FBXL20: variants seen among roughly 807,000 people sequenced by gnomAD.
FBXL20 encodes F-box and leucine rich repeat protein 20, also known as F-box/LRR-repeat protein 20.
A neutral mutation model predicts 64.0 loss-of-function variants in FBXL20; 11 were observed. The ratio of observed to expected loss-of-function variants is 0.17; its 90% CI spans 0.11 to 0.28. The LOEUF (loss-of-function observed/expected upper bound fraction) is 0.28. Ranked by LOEUF, FBXL20 falls within the 10% of genes least tolerant of loss-of-function variation. The pLI, the probability that FBXL20 is intolerant of heterozygous loss-of-function variation, is 1.00. For missense variants in FBXL20, 303 were observed against 526.2 expected, an observed-to-expected ratio of 0.58 and a Z score of 4.15; for synonymous variants, 184 against 189.0, an observed-to-expected ratio of 0.97 and a Z score of 0.22.
chr17:39,357,163 C>T (rs902819352), intron 1 of FBXL20, among the ~76,000 whole-genome samples: 19 of 150,272 alleles, frequency 1.3e-4, no homozygotes, highest in African/African-American at 4.2e-4. Flanking sequence ...ATCCCAGCTA[C>T]TTGGGAGGCT....
intron 2 of FBXL20, among the ~76,000 whole-genome samples, chr17:39,327,316 T>C (rs889513429): frequency 2.0e-5 from 3 of 152,122 alleles, no homozygotes; most frequent in Non-Finnish European, 2.9e-5. Flanking sequence ...AAAAGATAAA[T>C]AATAAGCTCC....
intron 1 of FBXL20, among the ~76,000 whole-genome samples, chr17:39,390,485 T>A (rs1271806610): frequency 6.6e-6 from 1 of 150,894 alleles, no homozygotes; most frequent in African/African-American, 2.4e-5. Flanking sequence ...CACTTTAACC[T>A]GGGAGGCAGA....
At chr17:39,337,504 C>T (rs12985507) in intron 2 of FBXL20, among the ~76,000 whole-genome samples, 30 of 151,518 alleles carry the variant, frequency 2.0e-4, no homozygotes, top group Non-Finnish European at 3.5e-4. Flanking sequence ...AAGTGAGGAG[C>T]GTCTCTGCCC....
At chr17:39,381,314 CA>C (rs1456701999) in intron 1 of FBXL20, among the ~76,000 whole-genome samples, 1 of 149,000 alleles carries the variant, frequency 6.7e-6, no homozygotes, top group African/African-American at 2.5e-5. Flanking sequence ...CTCATCTCCA[CA>C]AAAAAATACA....
chr17:39,279,519 C>T (rs1290340957), intron 9 of FBXL20, among the ~76,000 whole-genome samples: 1 of 149,980 alleles, frequency 6.7e-6, no homozygotes, highest in South Asian at 2.1e-4. Flanking sequence ...AAAAAAGGAA[C>T]TTATCACTTT....
At chr17:39,286,472 C>T (rs963939434) in intron 6 of FBXL20, among the ~76,000 whole-genome samples, 1 of 152,134 alleles carries the variant, frequency 6.6e-6, no homozygotes, top group Admixed American at 6.6e-5. Context: ...GCCTCAGCCT[C>T]CCAAACTGCT....
At position 39,270,930 on chromosome 17, in the gene FBXL20, G is replaced by A; in HGVS notation, c.828-74C>T. Reference sequence around the variant, plus strand: ...AAAACTGAGTTTATTAAAACAGTAAGAATTTACAAAAACAATCTTCTATTC... The same window carrying A: ...AAAACTGAGTTTATTAAAACAGTAAAAATTTACAAAAACAATCTTCTATTC... On this transcript the variant is annotated intron_variant, in intron 10 of 14. Transcript: ENST00000264658. The A allele has an allele frequency of 3.3e-6, 4 of 1,223,900 alleles. No individual in the cohort carries two copies. In the Admixed American group the frequency reaches 9.9e-5, roughly 30 times the overall value. The allele number at this position is 1,223,900 out of a possible 1,614,324, so 75.8% of individuals were successfully genotyped here. A position where few individuals can be genotyped will look rare whatever the true frequency, so the allele number is the denominator to read the frequency against.
intron 1 of FBXL20, among the ~76,000 whole-genome samples, chr17:39,371,118 T>C (rs1341279135): frequency 1.3e-5 from 2 of 152,054 alleles, no homozygotes; most frequent in African/African-American, 4.8e-5. Context: ...CTAAGGAGGC[T>C]GAGGCAGGAG....
intron 2 of FBXL20, among the ~76,000 whole-genome samples, chr17:39,319,049 G>A (rs1011277821): frequency 6.6e-6 from 1 of 151,960 alleles, no homozygotes; most frequent in Non-Finnish European, 1.5e-5. Flanking sequence ...AGGAGATTGA[G>A]ACCAGCCTGG....
At chr17:39,317,902 C>G (rs572164793) in intron 2 of FBXL20, among the ~76,000 whole-genome samples, 1 of 151,192 alleles carries the variant, frequency 6.6e-6, no homozygotes, top group Non-Finnish European at 1.5e-5. Flanking sequence ...GGAGTTTCAC[C>G]GTGTTAGCCG....
chr17:39,327,347 G>A (rs1054931956), intron 2 of FBXL20, among the ~76,000 whole-genome samples: 8 of 152,060 alleles, frequency 5.3e-5, no homozygotes, highest in Middle Eastern at 3.2e-3. Flanking sequence ...TCTTCACAGT[G>A]ATATGGGTAA....
In FBXL20 at chr17:39,393,877, A is replaced by G. The variant is rs77764420; in HGVS notation, c.42+7484T>C. 4.6e-5 allele frequency among the ~76,000 whole-genome samples: 7 copies of G among 152,368 alleles called. No homozygotes were observed. The East Asian group carries it at 1.3e-3, about 29-fold the overall frequency. On this transcript the variant is annotated intron_variant, in intron 1 of 14. Coordinates refer to ENST00000264658, the MANE Select transcript of FBXL20 (RefSeq NM_032875.3). ...CGTATCTTTGTTTTTTATAAAAGTTATACAACTAAGCAAGATGAATTGAGC... is the reference window on the plus strand; with the variant it reads ...CGTATCTTTGTTTTTTATAAAAGTTGTACAACTAAGCAAGATGAATTGAGC...
At chr17:39,320,970 T>G (rs1323092267) in intron 2 of FBXL20, among the ~76,000 whole-genome samples, 1 of 152,200 alleles carries the variant, frequency 6.6e-6, no homozygotes, top group Non-Finnish European at 1.5e-5. Context: ...AAAATCTTTA[T>G]TTCATATTTT....
At chr17:39,365,548 A>C (rs1389840990) in intron 1 of FBXL20, among the ~76,000 whole-genome samples, 1 of 152,118 alleles carries the variant, frequency 6.6e-6, no homozygotes, top group Non-Finnish European at 1.5e-5. Flanking sequence ...CTAACATCTG[A>C]CTCAATATTC....
intron 10 of FBXL20, among the ~76,000 whole-genome samples, chr17:39,274,071 C>T (rs2046870075): frequency 6.6e-6 from 1 of 151,908 alleles, no homozygotes; most frequent in Non-Finnish European, 1.5e-5. Context: ...GACAGGGTTT[C>T]GCCATGTTGC....
At chr17:39,302,182 CTT>C (rs1328830532) in intron 3 of FBXL20, among the ~76,000 whole-genome samples, 2 of 151,938 alleles carry the variant, frequency 1.3e-5, no homozygotes, top group Non-Finnish European at 2.9e-5. Context: ...TTCTCACTCT[CTT>C]TTTCTATATA....
chr17:39,334,205 C>T (rs2047496773), intron 2 of FBXL20, among the ~76,000 whole-genome samples: 1 of 152,108 alleles, frequency 6.6e-6, no homozygotes, highest in African/African-American at 2.4e-5. Flanking sequence ...TGTGCTGTGT[C>T]CACTAAGGGT....
intron 1 of FBXL20, among the ~76,000 whole-genome samples, chr17:39,373,897 T>C (rs1159598270): frequency 6.6e-6 from 1 of 152,186 alleles, no homozygotes; most frequent in East Asian, 1.9e-4. Flanking sequence ...TCAGGTAAGA[T>C]AAAGTCACAG....
At chr17:39,331,792 A>C (rs1434709646) in intron 2 of FBXL20, among the ~76,000 whole-genome samples, 1 of 152,234 alleles carries the variant, frequency 6.6e-6, no homozygotes, top group Non-Finnish European at 1.5e-5. Context: ...TAAATGACTA[A>C]ATCTGTTTGT....
Sources: allele counts gnomAD v4.1 joint callset (sites outside exome capture counted in the v4.1 genomes callset), GRCh38; gene constraint gnomAD v4.1.1; transcripts MANE v1.5; gene names NCBI Gene and HGNC (gene_info 2026-07-23, HGNC 2026-07-21).